ERO1A: variants seen among roughly 807,000 people sequenced by gnomAD.
ERO1A encodes the protein endoplasmic reticulum oxidoreductase 1 alpha, also known as ERO1-like protein alpha.
Under a neutral mutation model 76.9 loss-of-function variants are expected in ERO1A, and 49 were observed. The observed-to-expected ratio is 0.64, with a 90% CI of 0.51 to 0.81. The LOEUF is 0.81. Ranked by LOEUF, ERO1A falls within the 30% of genes least tolerant of loss-of-function variation. The probability of loss-of-function intolerance (pLI) is 0.00; values close to 1 mark genes in which losing one functional copy is unlikely to be tolerated. For synonymous variants in ERO1A, 174 were observed against 181.2 expected, an observed-to-expected ratio of 0.96 and a Z score of 0.32; for missense variants, 448 against 542.1, an observed-to-expected ratio of 0.83 and a Z score of 1.72.
intron 13 of ERO1A, 98 bp from the exon 14 acceptor site, chr14:52,646,559 A>G: frequency 1.2e-6 from 1 of 804,462 alleles, no homozygotes; most frequent in Non-Finnish European, 2.0e-6. Context: ...TGTGCAAGGT[A>G]CTATGGGGTA....
chr14:52,672,043 G>T, intron 4 of ERO1A, 172 bp from the exon 5 acceptor site: 1 of 526,010 alleles, frequency 1.9e-6, no homozygotes, highest in South Asian at 2.7e-5. Flanking sequence ...GGTGGCTCAC[G>T]CCTATAATCC....
chr14:52,677,487 A>T (rs2040828449), intron 4 of ERO1A, among the ~76,000 whole-genome samples: 1 of 152,172 alleles, frequency 6.6e-6, no homozygotes, highest in African/African-American at 2.4e-5. Flanking sequence ...TACGGCTAAG[A>T]GAAGCCTAAG....
intron 6 of ERO1A, among the ~76,000 whole-genome samples, chr14:52,669,366 G>A (rs746024461): frequency 6.6e-6 from 1 of 151,864 alleles, no homozygotes; most frequent in Non-Finnish European, 1.5e-5. Flanking sequence ...AATTATAGCT[G>A]CATACTATAA....
intron 9 of ERO1A, among the ~76,000 whole-genome samples, chr14:52,659,370 G>A (rs1393052057): frequency 6.6e-6 from 1 of 152,150 alleles, no homozygotes; most frequent in Non-Finnish European, 1.5e-5. Context: ...GCTGACAAGT[G>A]TTGGACAAAA....
At chr14:52,677,689 T>G (rs1032475577) in intron 4 of ERO1A, among the ~76,000 whole-genome samples, 2 of 151,132 alleles carry the variant, frequency 1.3e-5, no homozygotes, top group African/African-American at 4.9e-5. Flanking sequence ...CAAGACTCTA[T>G]CTCTACAGAA....
Position 52,653,175 on chromosome 14 carries a change from T to C in ERO1A, c.949A>G (p.Lys317Glu), listed in dbSNP as rs1175620733. The change falls in exon 12 of 16, where the codon AAA (lysine) becomes GAA (glutamate). Residue 317 changes from lysine to glutamate, a missense_variant. Physicochemically the swap from Lys to Glu is moderately conservative, Grantham distance 56. Coordinates refer to ENST00000395686, the MANE Select transcript of ERO1A (RefSeq NM_014584.3). ...LYLIELRALS[K>E]VLPFFERPDF... Reference sequence around the variant, plus strand: ...GGGCGCTCGAAGAATGGTAACACTTTGGATAAAGCCCTTAGTTCTATTAAG... The same window carrying C: ...GGGCGCTCGAAGAATGGTAACACTTCGGATAAAGCCCTTAGTTCTATTAAG... 1 of 1,613,610 alleles carries C rather than the reference T, an allele frequency of 6.2e-7. No individual in the cohort carries two copies.
intron 2 of ERO1A, among the ~76,000 whole-genome samples, chr14:52,683,139 C>T (rs1286169648): frequency 1.3e-5 from 2 of 151,852 alleles, no homozygotes; most frequent in East Asian, 1.9e-4. Context: ...ACCCAGGAGG[C>T]GGAAGTTGGC....
chr14:52,679,063 T>C (rs1357331231), intron 3 of ERO1A, among the ~76,000 whole-genome samples: 1 of 152,210 alleles, frequency 6.6e-6, no homozygotes, highest in African/African-American at 2.4e-5. Flanking sequence ...TGCCATGTGA[T>C]ATGACAGCTC....
intron 1 of ERO1A, among the ~76,000 whole-genome samples, chr14:52,692,093 G>A (rs896375312): frequency 6.6e-6 from 1 of 152,208 alleles, no homozygotes; most frequent in Non-Finnish European, 1.5e-5. Context: ...CAAATGGCTT[G>A]CTAAGCAGAA....
intron 4 of ERO1A, among the ~76,000 whole-genome samples, chr14:52,674,376 A>C (rs1289567661): frequency 6.6e-6 from 1 of 151,904 alleles, no homozygotes; most frequent in Non-Finnish European, 1.5e-5. Flanking sequence ...TTTAGTTTTT[A>C]TTTGTAGAGA....
intron 8 of ERO1A, among the ~76,000 whole-genome samples, chr14:52,662,849 G>A (rs1240652441): frequency 6.6e-6 from 1 of 152,136 alleles, no homozygotes; most frequent in African/African-American, 2.4e-5. Context: ...TATATAGAGA[G>A]ATAAAACAGA....
intron 1 of ERO1A, among the ~76,000 whole-genome samples, chr14:52,687,719 T>C (rs556005907): frequency 9.1e-4 from 138 of 152,320 alleles, no homozygotes; most frequent in Middle Eastern, 3.4e-3. Context: ...TAAATGCTAA[T>C]GTGTTTTAAA....
intron 13 of ERO1A, among the ~76,000 whole-genome samples, chr14:52,650,242 C>G (rs1486776904): frequency 6.6e-6 from 1 of 150,926 alleles, no homozygotes; most frequent in Non-Finnish European, 1.5e-5. Flanking sequence ...AATATATATA[C>G]AATATGTATG....
At chr14:52,649,088 A>G (rs1456995857) in intron 13 of ERO1A, among the ~76,000 whole-genome samples, 1 of 152,216 alleles carries the variant, frequency 6.6e-6, no homozygotes, top group African/African-American at 2.4e-5. Context: ...CCTTAAAATA[A>G]CCAGTACCTA....
chr14:52,659,974 C>G (rs1210314222), intron 9 of ERO1A, among the ~76,000 whole-genome samples: 1 of 152,150 alleles, frequency 6.6e-6, no homozygotes, highest in Non-Finnish European at 1.5e-5. Context: ...GCTGGGATCA[C>G]AGGTGTGCAC....
At chr14:52,676,658 T>C (rs1013655728) in intron 4 of ERO1A, among the ~76,000 whole-genome samples, 1 of 152,192 alleles carries the variant, frequency 6.6e-6, no homozygotes, top group African/African-American at 2.4e-5. Flanking sequence ...TACGTTCTTG[T>C]TGGTCATCTT....
intron 8 of ERO1A, 126 bp downstream of exon 8, chr14:52,663,673 ACT>A (rs1168372684): frequency 1.4e-5 from 8 of 585,228 alleles, no homozygotes; most frequent in Non-Finnish European, 2.2e-5. Context: ...GTGAGGCATA[ACT>A]CTATGGAAAC....
chr14:52,659,351 A>G (rs1357782813), intron 9 of ERO1A, among the ~76,000 whole-genome samples: 1 of 152,212 alleles, frequency 6.6e-6, no homozygotes, highest in African/African-American at 2.4e-5. Flanking sequence ...AAATATGATC[A>G]TCTTTAATGC....
At chr14:52,672,806 A>G (rs572232984) in intron 4 of ERO1A, among the ~76,000 whole-genome samples, 1 of 151,168 alleles carries the variant, frequency 6.6e-6, no homozygotes, top group East Asian at 1.9e-4. Flanking sequence ...AAAAACAAAC[A>G]AACAAAAAAA....
Sources: allele counts gnomAD v4.1 joint callset (sites outside exome capture counted in the v4.1 genomes callset), GRCh38; gene constraint gnomAD v4.1.1; transcripts MANE v1.5; gene names NCBI Gene and HGNC (gene_info 2026-07-23, HGNC 2026-07-21).